ZSWIM6: variants seen among roughly 807,000 people sequenced by gnomAD.
ZSWIM6 encodes zinc finger SWIM domain-containing protein 6.
Under a neutral mutation model 113.2 loss-of-function variants are expected in ZSWIM6, and 9 were observed. The observed-to-expected ratio is 0.08, with a 90% CI of 0.05 to 0.14. ZSWIM6 has a LOEUF of 0.14. Ranked by LOEUF, ZSWIM6 falls within the 10% of genes least tolerant of loss-of-function variation. The pLI is 1.00. For synonymous variants in ZSWIM6, 611 were observed against 606.5 expected, an observed-to-expected ratio of 1.01 and a Z score of -0.11; for missense variants, 1,162 against 1,552.2, an observed-to-expected ratio of 0.75 and a Z score of 4.22.
In ZSWIM6 at chr5:61,386,741, CAT is replaced by C. The variant is rs374813790; in HGVS notation, c.676+53794_676+53795del. Among the ~76,000 whole-genome samples the C allele has an allele frequency of 3.4e-3, 524 of 152,282 alleles. 5 individuals are homozygous for C. The highest frequency in any genetic ancestry group is 0.011 in the African/African-American group (448 of 41,556). On this transcript the variant is annotated intron_variant, in intron 1 of 13. Coordinates refer to ENST00000252744, the MANE Select transcript of ZSWIM6 (RefSeq NM_020928.2). ...TTTTGAGATTCTGAAGTTTCCAAAA[CAT>C]GTGTGTACTTAAGAAAAATAACCCA...
At chr5:61,375,058 A>G (rs1745342852) in intron 1 of ZSWIM6, 2 of 1,506,462 alleles carry the variant, frequency 1.3e-6, no homozygotes, top group Admixed American at 1.7e-5. Flanking sequence ...TTAAAGGGTA[A>G]GTCTCTCCGG....
chr5:61,437,474 G>A lies in ZSWIM6; in HGVS notation c.677-35207G>A, dbSNP rs575262722. Among the ~76,000 whole-genome samples the A allele has an allele frequency of 4.1e-4, 62 of 152,218 alleles. No homozygotes were observed. In the South Asian group the frequency reaches 0.013, roughly 31 times the overall value. ...GCGGTGGCTCACGCCTGTAGTCCTA[G>A]CACTTTGGGAAGCTGAGGTGGGCAG... On this transcript the variant is annotated intron_variant, in intron 1 of 13. Transcript: ENST00000252744.
chr5:61,504,724 C>T (rs986136607), intron 4 of ZSWIM6, among the ~76,000 whole-genome samples: 2 of 151,972 alleles, frequency 1.3e-5, no homozygotes, highest in African/African-American at 4.8e-5. Flanking sequence ...GTCTTTTGTC[C>T]TAAATTGGTT....
At chr5:61,507,445 C>A (rs779042798) in intron 4 of ZSWIM6, among the ~76,000 whole-genome samples, 2 of 152,142 alleles carry the variant, frequency 1.3e-5, no homozygotes, top group African/African-American at 4.8e-5. Flanking sequence ...AGGCAAACAG[C>A]ATACATGTGC....
At chr5:61,481,945 ATAAG>A (rs1747877194) in intron 2 of ZSWIM6, among the ~76,000 whole-genome samples, 1 of 152,248 alleles carries the variant, frequency 6.6e-6, no homozygotes. Context: ...ACTATTATAA[ATAAG>A]AGTAAAAACA....
chr5:61,389,633 A>T (rs1745663159), intron 1 of ZSWIM6, among the ~76,000 whole-genome samples: 1 of 152,028 alleles, frequency 6.6e-6, no homozygotes. Context: ...CAGTGATTCA[A>T]GGTCTAAATG....
At chr5:61,394,408 C>G (rs1254334250) in intron 1 of ZSWIM6, among the ~76,000 whole-genome samples, 1 of 152,254 alleles carries the variant, frequency 6.6e-6, no homozygotes, top group Admixed American at 6.5e-5. Context: ...GCACCCCCAG[C>G]ATGGGAAGAA....
At chr5:61,479,882 C>T (rs1432054794) in intron 2 of ZSWIM6, among the ~76,000 whole-genome samples, 4 of 150,872 alleles carry the variant, frequency 2.7e-5, no homozygotes, top group South Asian at 2.1e-4. Flanking sequence ...TTAAGGGCAG[C>T]GGTAAATATT....
intron 1 of ZSWIM6, among the ~76,000 whole-genome samples, chr5:61,388,549 G>A (rs1424196672): frequency 6.6e-6 from 1 of 152,214 alleles, no homozygotes; most frequent in Admixed American, 6.5e-5. Flanking sequence ...CTTACATCAA[G>A]TGCTGCATAC....
intron 1 of ZSWIM6, among the ~76,000 whole-genome samples, chr5:61,453,136 C>T (rs1344438853): frequency 1.3e-5 from 2 of 152,246 alleles, no homozygotes; most frequent in African/African-American, 4.8e-5. Context: ...ATGATATCTG[C>T]CAAGTTGCTT....
intron 1 of ZSWIM6, among the ~76,000 whole-genome samples, chr5:61,450,322 T>A (rs938227681): frequency 3.3e-5 from 5 of 152,304 alleles, no homozygotes; most frequent in Admixed American, 2.6e-4. Flanking sequence ...CTGAAGGCAG[T>A]GAAAAATAGA....
At chr5:61,412,429 C>A (rs1015173491) in intron 1 of ZSWIM6, among the ~76,000 whole-genome samples, 22 of 152,178 alleles carry the variant, frequency 1.4e-4, no homozygotes, top group South Asian at 2.1e-4. Context: ...CTTCCCTTTC[C>A]ATTTCCTTGC....
At chr5:61,415,243 T>C (rs1254147783) in intron 1 of ZSWIM6, among the ~76,000 whole-genome samples, 1 of 152,200 alleles carries the variant, frequency 6.6e-6, no homozygotes, top group South Asian at 2.1e-4. Context: ...TTTAGAGATA[T>C]TTCATATATC....
intron 4 of ZSWIM6, among the ~76,000 whole-genome samples, chr5:61,511,891 A>G (rs1025509909): frequency 2.0e-5 from 3 of 152,180 alleles, no homozygotes; most frequent in Non-Finnish European, 4.4e-5. Flanking sequence ...TGATGCCTCT[A>G]GCCTATAGTG....
At position 61,341,116 on chromosome 5, in the gene ZSWIM6, TG is replaced by T. The variant is rs147820729; in HGVS notation, c.676+8171del. ...TTTGCATGGTCGGCCTGTGTCTACG[TG>T]GGTTTTCTTTGGGTACTCTGGTTTC... is the stretch of plus-strand genomic sequence containing the variant. On this transcript the variant is annotated intron_variant, in intron 1 of 13. Transcript: ENST00000252744. 1.2e-4 allele frequency among the ~76,000 whole-genome samples: 18 copies of T among 152,346 alleles called. No homozygotes were observed. In the East Asian group the frequency reaches 3.5e-3, roughly 29 times the overall value.
chr5:61,335,431 ATCAGGGTTCCCCCCACC>A (rs1033185863), intron 1 of ZSWIM6, among the ~76,000 whole-genome samples: 3 of 152,244 alleles, frequency 2.0e-5, no homozygotes, highest in Non-Finnish European at 4.4e-5. Flanking sequence ...AACACTTATG[ATCAGGGTTCCCCCCACC>A]TCCCTTTATG....
At chr5:61,494,697 A>G (rs1427231690) in intron 4 of ZSWIM6, among the ~76,000 whole-genome samples, 1 of 152,172 alleles carries the variant, frequency 6.6e-6, no homozygotes, top group Non-Finnish European at 1.5e-5. Flanking sequence ...ATTTTTAAAT[A>G]GCAGTTTTAT....
At chr5:61,437,030 T>A (rs2112142244) in intron 1 of ZSWIM6, among the ~76,000 whole-genome samples, 1 of 152,316 alleles carries the variant, frequency 6.6e-6, no homozygotes, top group East Asian at 1.9e-4. Flanking sequence ...TATGAGCATC[T>A]GCTTCAAGGC....
At chr5:61,421,406 C>T (rs1335018125) in intron 1 of ZSWIM6, among the ~76,000 whole-genome samples, 1 of 152,174 alleles carries the variant, frequency 6.6e-6, no homozygotes, top group Non-Finnish European at 1.5e-5. Context: ...ATAATGACCT[C>T]CAGTTCCCTT....
Sources: gnomAD v4.1 joint callset for allele counts (sites outside exome capture counted in the v4.1 genomes callset) on GRCh38, gnomAD v4.1.1 for gene constraint, MANE v1.5 for transcripts, NCBI Gene and HGNC (gene_info 2026-07-23, HGNC 2026-07-21) for gene names.